Variants in PAPOLA observed in about 807,000 individuals in gnomAD.
The protein encoded by PAPOLA is polynucleotide adenylyltransferase alpha.
In PAPOLA, 15 loss-of-function variants were observed where a neutral mutation model predicts 100.6. That is an observed-to-expected ratio of 0.15 (90% CI 0.10 to 0.23). The LOEUF is 0.23. Among genes scored for constraint, PAPOLA ranks in the 10% least tolerant of loss-of-function variants. The pLI, the probability that PAPOLA is intolerant of heterozygous loss-of-function variation, is 1.00. For missense variants in PAPOLA, 533 were observed against 884.2 expected (o/e 0.60, Z 5.04); for synonymous variants, 293 against 300.0 (o/e 0.98, Z 0.24).
chr14:96,502,898 C>T, intron 1 of PAPOLA: 1 of 391,974 alleles, frequency 2.6e-6, no homozygotes. Flanking sequence ...ACTCCAGCTT[C>T]TCCGCCCCGT....
At chr14:96,542,616 CT>C in intron 13 of PAPOLA, 157 bp from the exon 14 acceptor site, 2 of 656,680 alleles carry the variant, frequency 3.0e-6, no homozygotes, top group Non-Finnish European at 5.0e-6. Flanking sequence ...TTTCTTGGCT[CT>C]TTTTTCCCCG....
intron 21 of PAPOLA, among the ~76,000 whole-genome samples, chr14:96,563,504 A>T (rs1902033622): frequency 6.6e-6 from 1 of 152,140 alleles, no homozygotes; most frequent in Non-Finnish European, 1.5e-5. Context: ...AATGAACCCT[A>T]ACATCTAGCT....
chr14:96,551,884 T>C (rs1034282786), intron 16 of PAPOLA, among the ~76,000 whole-genome samples: 1 of 152,170 alleles, frequency 6.6e-6, no homozygotes, highest in Non-Finnish European at 1.5e-5. Flanking sequence ...CACAGGATAA[T>C]TTACAGTATT....
chr14:96,536,038 G>T lies in PAPOLA; in HGVS notation c.1030+39G>T, dbSNP rs768005360. 5 of 1,489,386 alleles carry T rather than the reference G, an allele frequency of 3.4e-6. No homozygotes were observed. In the South Asian group the frequency reaches 5.7e-5, roughly 17 times the overall value. 92.3% of individuals were successfully genotyped at this position (1,489,386 alleles called of 1,614,324 possible). ...CTTATGCTCTGATTTATACAGGAAG[G>T]ATTTACGTACCATTGTAGACCCAGT... is the stretch of plus-strand genomic sequence containing the variant. On this transcript the variant is annotated intron_variant, in intron 11 of 21. Coordinates refer to ENST00000216277, the MANE Select transcript of PAPOLA (RefSeq NM_032632.5).
intron 1 of PAPOLA, among the ~76,000 whole-genome samples, chr14:96,510,487 G>A (rs575543879): frequency 1.5e-4 from 22 of 150,884 alleles, no homozygotes; most frequent in Non-Finnish European, 2.7e-4. Flanking sequence ...ACGCGCGCGT[G>A]CGCTTGTGCG....
chr14:96,551,675 G>C (rs148481503), intron 16 of PAPOLA, among the ~76,000 whole-genome samples: 112 of 152,246 alleles, frequency 7.4e-4, no homozygotes, highest in African/African-American at 2.5e-3. Context: ...AAATTAAGCT[G>C]AATGTAATAT....
chr14:96,536,796 C>T (rs1899570444), intron 11 of PAPOLA, 180 bp from the exon 12 acceptor site: 1 of 427,032 alleles, frequency 2.3e-6, no homozygotes, highest in Non-Finnish European at 4.2e-6. Flanking sequence ...AATCTTCCAG[C>T]TTTTTAAAAA....
chr14:96,506,142 T>C (rs900721360), intron 1 of PAPOLA, among the ~76,000 whole-genome samples: 1 of 151,260 alleles, frequency 6.6e-6, no homozygotes, highest in Non-Finnish European at 1.5e-5. Context: ...GACCTCGTGA[T>C]CCCCCCCCAC....
At chr14:96,527,705 A>C in intron 5 of PAPOLA, 166 bp downstream of exon 5, 1 of 612,614 alleles carries the variant, frequency 1.6e-6, no homozygotes, top group Admixed American at 2.9e-5. Flanking sequence ...CAAGCCTAAA[A>C]TTATAAACTC....
In PAPOLA at chr14:96,521,092, T is replaced by C. The variant is rs1187690960; in HGVS notation, c.249+20T>C. The C allele has an allele frequency of 3.3e-6, 4 of 1,226,832 alleles. No individual in the cohort carries two copies. Among genetic ancestry groups the C allele is most frequent in the African/African-American group, 3.0e-5 (2 of 67,156 alleles). The allele number at this position is 1,226,832 out of a possible 1,614,324, so 76.0% of individuals were successfully genotyped here. Reference sequence around the variant, plus strand: ...AGCAAGGTAAGGCAACTTTTTTGTATATGAAATAATTTCATATATAGCCAA... The same window carrying C: ...AGCAAGGTAAGGCAACTTTTTTGTACATGAAATAATTTCATATATAGCCAA... On this transcript the variant is annotated intron_variant, in intron 3 of 21. Transcript: ENST00000216277.
chr14:96,532,242 C>T (rs1899083620), intron 7 of PAPOLA, 89 bp from the exon 8 acceptor site: 1 of 1,447,998 alleles, frequency 6.9e-7, no homozygotes, highest in South Asian at 1.5e-5. Flanking sequence ...TACCATTAAA[C>T]TTTTGATGAT....
At chr14:96,526,418 C>CGAA (rs1898485240) in intron 4 of PAPOLA, 1 of 152,370 alleles carries the variant, frequency 6.6e-6, no homozygotes, top group Non-Finnish European at 1.5e-5. Context: ...CTGCACCTTC[C>CGAA]ACCTCCTGGG....
At chr14:96,534,414 A>G (rs1899342261) in intron 9 of PAPOLA, 77 bp from the exon 10 acceptor site, 1 of 1,571,372 alleles carries the variant, frequency 6.4e-7, no homozygotes, top group African/African-American at 1.4e-5. Flanking sequence ...ACGTTCACAA[A>G]TGCTGTATGT....
intron 10 of PAPOLA, chr14:96,535,142 A>G: frequency 1.0e-6 from 1 of 955,620 alleles, no homozygotes; most frequent in Middle Eastern, 5.4e-4. Flanking sequence ...TGTTAACAAC[A>G]TGCACTTTAT....
intron 19 of PAPOLA, among the ~76,000 whole-genome samples, chr14:96,559,619 A>G (rs12891550): frequency 0.044 from 6,468 of 146,252 alleles, 206 homozygotes; most frequent in South Asian, 0.11. Flanking sequence ...ATATATATGT[A>G]TATATATATA....
At chr14:96,516,528 G>C (rs1897480640) in intron 1 of PAPOLA, among the ~76,000 whole-genome samples, 1 of 152,098 alleles carries the variant, frequency 6.6e-6, no homozygotes, top group African/African-American at 2.4e-5. Context: ...ATAGAGATGG[G>C]TGTCTTGCTG....
Position 96,552,490 on chromosome 14 carries a change from A to G in PAPOLA, c.1532A>G (p.Glu511Gly). The G allele has an allele frequency of 6.2e-7, 1 of 1,613,146 alleles. No individual in the cohort carries two copies. Among genetic ancestry groups the G allele is most frequent in the South Asian group, 1.1e-5 (1 of 91,024 alleles). The change falls in exon 17 of 22, where the codon GAA becomes GGA. Residue 511 changes from glutamate (E) to glycine (G), a missense_variant. Around this residue, in one of 9 missense-constraint regions of PAPOLA, gnomAD observed 242 missense variants for 281.0 expected, o/e 0.86. Transcript: ENST00000216277. The part of the protein sequence containing the change: ...VLQKKKKHST[E>G]GVKLTALNDS... ...TTTTATTGTTTGCAGCATTCAACAGAAGGTGTCAAATTGACAGCTCTCAAT... is the reference window on the plus strand; with the variant it reads ...TTTTATTGTTTGCAGCATTCAACAGGAGGTGTCAAATTGACAGCTCTCAAT...
Position 96,520,174 on chromosome 14 carries a change from T to C in PAPOLA, c.128T>C (p.Ile43Thr). Residue 43 changes from isoleucine to threonine, a missense_variant, in exon 2 of 22, where the codon ATT (isoleucine) becomes ACT (threonine). Physicochemically the swap from Ile to Thr is moderately conservative, Grantham distance 89. Coordinates refer to ENST00000216277, the MANE Select transcript of PAPOLA (RefSeq NM_032632.5). ...GACTGCGTACTTACACAGAAACTAA[T>C]TGAGACATTGAAACCCTTTGGGGTT... ...ETDCVLTQKLIETLKPFGVFE... is the reference protein window; with the variant it reads ...ETDCVLTQKLTETLKPFGVFE... The C allele has an allele frequency of 6.2e-7, 1 of 1,613,974 alleles. No homozygotes were observed.
chr14:96,527,628 G>C, intron 5 of PAPOLA, 89 bp downstream of exon 5: 1 of 743,172 alleles, frequency 1.3e-6, no homozygotes, highest in East Asian at 2.6e-5. Flanking sequence ...ATCATTTATT[G>C]AGTTCTTGCA....
Sources: gnomAD v4.1 joint callset for allele counts (sites outside exome capture counted in the v4.1 genomes callset) on GRCh38, gnomAD v4.1.1 for gene constraint, gnomAD v4.1.1 regional missense constraint, MANE v1.5 for transcripts, NCBI Gene and HGNC (gene_info 2026-07-23, HGNC 2026-07-21) for gene names.